The following MCF2L2 variants were observed in gnomAD, a reference collection of about 807,000 sequenced individuals.
MCF2L2 encodes the protein probable guanine nucleotide exchange factor MCF2L2.
A neutral mutation model predicts 150.2 loss-of-function variants in MCF2L2; 102 were observed. The ratio of observed to expected loss-of-function variants is 0.68; its 90% CI spans 0.58 to 0.80. The LOEUF (loss-of-function observed/expected upper bound fraction) is 0.80. MCF2L2 is among the 30% of genes least tolerant of loss of function. The probability of loss-of-function intolerance (pLI) is 0.00; values close to 1 mark genes in which losing one functional copy is unlikely to be tolerated. For synonymous variants in MCF2L2, 465 were observed against 491.3 expected (o/e 0.95, Z 0.71); for missense variants, 1,256 against 1,372.8 (o/e 0.91, Z 1.34).
At position 183,220,109 on chromosome 3, in the gene MCF2L2, G is replaced by A. The variant is rs962523313; in HGVS notation, c.2302-185C>T. 7.5e-4 allele frequency among the ~76,000 whole-genome samples: 114 copies of A among 152,150 alleles called. 3 individuals carry two copies. The highest frequency in any genetic ancestry group is 1.6e-4 in the Non-Finnish European group (11 of 68,018). On this transcript the variant is annotated intron_variant, in intron 20 of 29. Transcript: ENST00000328913. Reference sequence around the variant, plus strand: ...GCACAGGGTCCTTTCCACAAACCTAGAATCATATTGTACACACTATTTTGT... The same window carrying A: ...GCACAGGGTCCTTTCCACAAACCTAAAATCATATTGTACACACTATTTTGT...
chr3:183,330,202 A>T (rs972817340), intron 5 of MCF2L2, among the ~76,000 whole-genome samples: 1 of 146,402 alleles, frequency 6.8e-6, no homozygotes, highest in African/African-American at 2.6e-5. Context: ...CCATGATCAC[A>T]CCACTGCACT....
At chr3:183,391,469 C>T (rs17709910) in intron 1 of MCF2L2, among the ~76,000 whole-genome samples, 8,868 of 152,178 alleles carry the variant, frequency 0.058, 373 homozygotes, top group Middle Eastern at 0.11. Flanking sequence ...GGTGTAATAA[C>T]GGCATGGTAG....
At chr3:183,321,934 T>C (rs907746834) in intron 6 of MCF2L2, among the ~76,000 whole-genome samples, 1 of 152,228 alleles carries the variant, frequency 6.6e-6, no homozygotes, top group Admixed American at 6.5e-5. Context: ...CCCAGCAGAT[T>C]TGGTGTCTGG....
chr3:183,410,298 A>G (rs192458313), intron 1 of MCF2L2, among the ~76,000 whole-genome samples: 1 of 152,330 alleles, frequency 6.6e-6, no homozygotes, highest in African/African-American at 2.4e-5. Flanking sequence ...TTGATCAAGC[A>G]TCAACTTGTG....
At chr3:183,367,154 T>C (rs1362034815) in intron 3 of MCF2L2, among the ~76,000 whole-genome samples, 1 of 152,210 alleles carries the variant, frequency 6.6e-6, no homozygotes, top group African/African-American at 2.4e-5. Context: ...AGGTCCAATC[T>C]ATTATGTATA....
intron 15 of MCF2L2, among the ~76,000 whole-genome samples, chr3:183,235,664 T>C (rs1389946938): frequency 2.7e-5 from 3 of 110,220 alleles, no homozygotes; most frequent in Admixed American, 2.6e-4. Flanking sequence ...TTCACTCTGA[T>C]GGTAGTTTCT....
intron 15 of MCF2L2, among the ~76,000 whole-genome samples, chr3:183,251,534 T>C (rs1724530409): frequency 6.6e-6 from 1 of 152,218 alleles, no homozygotes; most frequent in Non-Finnish European, 1.5e-5. Context: ...AAGTCATGTA[T>C]AGATCTAATC....
At chr3:183,350,145 T>C (rs79672346) in intron 3 of MCF2L2, among the ~76,000 whole-genome samples, 2,709 of 152,282 alleles carry the variant, frequency 0.018, 74 homozygotes, top group South Asian at 0.079. Flanking sequence ...GTGTGGGATC[T>C]GCTGGAAAAA....
rs561903603 is a variant in MCF2L2, at chr3:183,223,520, A to G, written c.2209-82T>C. 131 of 1,043,940 alleles carry G rather than the reference A, an allele frequency of 1.3e-4. 1 individual carries two copies. Among genetic ancestry groups the G allele is most frequent in the Middle Eastern group, 6.1e-4 (3 of 4,930 alleles). 64.7% of individuals were successfully genotyped at this position (1,043,940 alleles called of 1,614,324 possible). On this transcript the variant is annotated intron_variant, in intron 19 of 29. Transcript: ENST00000328913. ...AAGTGGCAGCATTTAGGTACAAAACACAAAATTGCTTTTCCTGGACAACAG... is the reference window on the plus strand; with the variant it reads ...AAGTGGCAGCATTTAGGTACAAAACGCAAAATTGCTTTTCCTGGACAACAG...
At chr3:183,196,476 A>G (rs1461548941) in intron 25 of MCF2L2, among the ~76,000 whole-genome samples, 1 of 152,136 alleles carries the variant, frequency 6.6e-6, no homozygotes, top group Non-Finnish European at 1.5e-5. Context: ...CTGATCTTGG[A>G]ACCTGGGACA....
At chr3:183,326,714 GTGTA>G (rs67823358) in intron 5 of MCF2L2, among the ~76,000 whole-genome samples, 144,648 of 151,704 alleles carry the variant, frequency 0.95, 69,018 homozygotes, top group East Asian at 1. Context: ...TATAATGTGT[GTGTA>G]TGTAGCTCTG....
At chr3:183,263,163 C>G (rs1395852657) in intron 15 of MCF2L2, among the ~76,000 whole-genome samples, 2 of 152,108 alleles carry the variant, frequency 1.3e-5, no homozygotes, top group Non-Finnish European at 1.5e-5. Flanking sequence ...GCCATGTAAA[C>G]AACTTCCTGG....
chr3:183,212,932 T>A (rs1722784483), intron 22 of MCF2L2, among the ~76,000 whole-genome samples: 2 of 110,712 alleles, frequency 1.8e-5, no homozygotes, highest in Admixed American at 1.3e-4. Context: ...GGCAACCGCC[T>A]GTAATATAGG....
intron 14 of MCF2L2, among the ~76,000 whole-genome samples, chr3:183,284,729 G>A (rs2108471880): frequency 1.3e-5 from 2 of 151,852 alleles, no homozygotes; most frequent in Non-Finnish European, 2.9e-5. Context: ...TTAGATTCCA[G>A]GACCCGACCC....
intron 15 of MCF2L2, among the ~76,000 whole-genome samples, chr3:183,251,076 A>G (rs971577638): frequency 6.6e-6 from 1 of 152,180 alleles, no homozygotes; most frequent in Admixed American, 6.5e-5. Context: ...TCAGGAAACA[A>G]CCAGAGTCTC....
At chr3:183,382,879 C>T (rs1713615998) in intron 2 of MCF2L2, among the ~76,000 whole-genome samples, 1 of 152,186 alleles carries the variant, frequency 6.6e-6, no homozygotes. Flanking sequence ...ATTGAGAATA[C>T]AGGAAATCCT....
intron 3 of MCF2L2, among the ~76,000 whole-genome samples, chr3:183,360,874 C>T (rs1712093576): frequency 1.3e-5 from 2 of 151,488 alleles, no homozygotes; most frequent in Non-Finnish European, 2.9e-5. Context: ...GAGGCTGAGG[C>T]AGGAGAATCG....
intron 15 of MCF2L2, 122 bp downstream of exon 15, chr3:183,276,750 T>C: frequency 4.6e-6 from 3 of 657,720 alleles, no homozygotes; most frequent in Non-Finnish European, 5.2e-6. Context: ...AAGGTTAGTA[T>C]AGAGGATAAA....
At chr3:183,382,051 T>TTTATTATTATGA (rs1713558184) in intron 2 of MCF2L2, among the ~76,000 whole-genome samples, 1 of 148,378 alleles carries the variant, frequency 6.7e-6, no homozygotes, top group African/African-American at 2.5e-5. Flanking sequence ...AATTTCACCT[T>TTTATTATTATGA]TTATTATTAT....
Sources: gnomAD v4.1 joint callset for allele counts (sites outside exome capture counted in the v4.1 genomes callset) on GRCh38, gnomAD v4.1.1 for gene constraint, MANE v1.5 for transcripts, NCBI Gene and HGNC (gene_info 2026-07-23, HGNC 2026-07-21) for gene names.